Variants in TMEM117 observed in about 807,000 individuals in gnomAD.
The protein encoded by TMEM117 is transmembrane protein 117.
Under a neutral mutation model 52.4 loss-of-function variants are expected in TMEM117, and 27 were observed. That is an observed-to-expected ratio of 0.51 (90% confidence interval 0.38 to 0.71). TMEM117 has a LOEUF of 0.71. Among genes scored for constraint, TMEM117 ranks in the 30% least tolerant of loss-of-function variants. The pLI is 0.00. For synonymous variants in TMEM117, 215 were observed against 206.3 expected, an observed-to-expected ratio of 1.04 and a Z score of -0.36; for missense variants, 556 against 630.5, an observed-to-expected ratio of 0.88 and a Z score of 1.26.
At chr12:43,941,359 T>C (rs1358528367) in intron 2 of TMEM117, among the ~76,000 whole-genome samples, 4 of 152,190 alleles carry the variant, frequency 2.6e-5, no homozygotes, top group African/African-American at 4.8e-5. Context: ...TGGCACATAA[T>C]TTATTTTCCA....
chr12:44,215,470 T>C (rs889651958), intron 5 of TMEM117, among the ~76,000 whole-genome samples: 2 of 152,150 alleles, frequency 1.3e-5, no homozygotes, highest in Non-Finnish European at 2.9e-5. Flanking sequence ...GTAGTCCTTT[T>C]GATAATGAAA....
intron 2 of TMEM117, among the ~76,000 whole-genome samples, chr12:43,876,622 C>T (rs1943801008): frequency 6.6e-6 from 1 of 152,138 alleles, no homozygotes; most frequent in Non-Finnish European, 1.5e-5. Context: ...TCCTGTCTAC[C>T]TTCTGAAGCT....
chr12:44,108,290 G>T (rs1437224616), intron 3 of TMEM117, among the ~76,000 whole-genome samples: 6 of 143,268 alleles, frequency 4.2e-5, no homozygotes, highest in Non-Finnish European at 9.1e-5. Flanking sequence ...GTGCCATGCT[G>T]GTGCGCTGCA....
chr12:44,225,918 TA>T (rs779146005), intron 5 of TMEM117, among the ~76,000 whole-genome samples: 1 of 152,168 alleles, frequency 6.6e-6, no homozygotes, highest in Non-Finnish European at 1.5e-5. Context: ...TACTCACACT[TA>T]ACTTGTAACA....
intron 3 of TMEM117, among the ~76,000 whole-genome samples, chr12:44,137,272 A>T (rs1280274814): frequency 2.0e-5 from 3 of 152,128 alleles, no homozygotes; most frequent in African/African-American, 7.2e-5. Flanking sequence ...TAATGGCAGT[A>T]GGTTTCTCAG....
chr12:43,985,482 T>A (rs776917377), intron 3 of TMEM117, among the ~76,000 whole-genome samples: 1 of 152,192 alleles, frequency 6.6e-6, no homozygotes, highest in Admixed American at 6.5e-5. Flanking sequence ...ATTTAAGAAA[T>A]TATTAGTGAA....
At chr12:44,151,398 G>A (rs901263135) in intron 4 of TMEM117, among the ~76,000 whole-genome samples, 3 of 143,794 alleles carry the variant, frequency 2.1e-5, no homozygotes, top group South Asian at 4.4e-4. Context: ...TAGGATACAT[G>A]TGCACAACGT....
At chr12:44,143,656 C>A in intron 4 of TMEM117, 32 bp downstream of exon 4, 1 of 1,497,244 alleles carries the variant, frequency 6.7e-7, no homozygotes, top group Non-Finnish European at 9.3e-7. Flanking sequence ...CCATTTCAAA[C>A]ATCAAACGGA....
intron 5 of TMEM117, among the ~76,000 whole-genome samples, chr12:44,228,945 A>G (rs563482844): frequency 1.3e-5 from 2 of 152,236 alleles, no homozygotes; most frequent in East Asian, 3.9e-4. Context: ...TGGAGAATGG[A>G]TTATAGGAAG....
chr12:44,208,725 GTTTTT>G (rs5797892), intron 4 of TMEM117, among the ~76,000 whole-genome samples: 2 of 68,826 alleles, frequency 2.9e-5, no homozygotes, highest in African/African-American at 1.0e-4. Flanking sequence ...CAGAAAGAAT[GTTTTT>G]TTTTTTTTTT....
At chr12:44,030,600 A>G (rs114573946) in intron 3 of TMEM117, among the ~76,000 whole-genome samples, 1,777 of 152,304 alleles carry the variant, frequency 0.012, 26 homozygotes, top group African/African-American at 0.04. Context: ...AGGCATGGGA[A>G]TGTGGATTTT....
chr12:44,334,702 T>G (rs1951317467), intron 6 of TMEM117, among the ~76,000 whole-genome samples: 1 of 152,048 alleles, frequency 6.6e-6, no homozygotes, highest in South Asian at 2.1e-4. Flanking sequence ...AACGCCTGGA[T>G]GTAGGACGGA....
intron 6 of TMEM117, among the ~76,000 whole-genome samples, chr12:44,361,950 C>T (rs887902896): frequency 2.0e-5 from 3 of 152,114 alleles, no homozygotes; most frequent in Non-Finnish European, 4.4e-5. Flanking sequence ...GGTTTTCATT[C>T]ACCATTGTAT....
At chr12:44,240,542 C>T (rs1217947798) in intron 5 of TMEM117, among the ~76,000 whole-genome samples, 1 of 152,038 alleles carries the variant, frequency 6.6e-6, no homozygotes, top group Non-Finnish European at 1.5e-5. Context: ...GACTTCTTCC[C>T]AGAAACTGTG....
At position 43,926,108 on chromosome 12, in the gene TMEM117, T is replaced by C. The variant is rs143956026; in HGVS notation, c.278-18102T>C. Among the ~76,000 whole-genome samples, 751 of 152,368 alleles carry C rather than the reference T, an allele frequency of 4.9e-3. 5 individuals carry two copies. Among genetic ancestry groups the C allele is most frequent in the African/African-American group, 0.017 (724 of 41,590 alleles). On this transcript the variant is annotated intron_variant, in intron 2 of 7. Coordinates refer to ENST00000266534, the MANE Select transcript of TMEM117 (RefSeq NM_032256.3). ...TCAGTATATATCTAAATTTTGGTCT[T>C]ATATATCTTGAAGTTATTCGTTGCA... is the stretch of plus-strand genomic sequence containing the variant.
chr12:43,887,198 A>G (rs1426355060), intron 2 of TMEM117, among the ~76,000 whole-genome samples: 1 of 152,102 alleles, frequency 6.6e-6, no homozygotes, highest in African/African-American at 2.4e-5. Flanking sequence ...ACCTGCTGTC[A>G]TTTTTACCTA....
At chr12:44,317,942 T>C (rs971563615) in intron 6 of TMEM117, among the ~76,000 whole-genome samples, 1 of 152,196 alleles carries the variant, frequency 6.6e-6, no homozygotes, top group African/African-American at 2.4e-5. Flanking sequence ...TGGCAGGTAC[T>C]AGCACCAGCA....
chr12:44,259,836 A>G (rs1950301019), intron 5 of TMEM117, among the ~76,000 whole-genome samples: 1 of 152,210 alleles, frequency 6.6e-6, no homozygotes, highest in Non-Finnish European at 1.5e-5. Flanking sequence ...ATTATTTGTA[A>G]CCTGGCCCAC....
intron 3 of TMEM117, among the ~76,000 whole-genome samples, chr12:44,118,937 G>T (rs1400279103): frequency 6.6e-6 from 1 of 152,144 alleles, no homozygotes; most frequent in Admixed American, 6.5e-5. Context: ...GCAGCCATTA[G>T]CTAACAGACT....
Sources: allele counts gnomAD v4.1 joint callset (sites outside exome capture counted in the v4.1 genomes callset), GRCh38; gene constraint gnomAD v4.1.1; transcripts MANE v1.5; gene names NCBI Gene and HGNC (gene_info 2026-07-23, HGNC 2026-07-21).